KARS1: variants seen among roughly 807,000 people sequenced by gnomAD.
The protein encoded by KARS1 is lysyl-tRNA synthetase 1.
In KARS1, 50 loss-of-function variants were observed where a neutral mutation model predicts 63.9. The observed-to-expected ratio is 0.78, with a 90% CI of 0.62 to 0.99. KARS1 has a LOEUF of 0.99. KARS1 is among the 50% of genes least tolerant of loss of function. KARS1 has a pLI of 0.00. For synonymous variants in KARS1, 320 were observed against 264.6 expected, an observed-to-expected ratio of 1.21 and a Z score of -2.03; for missense variants, 816 against 754.5, an observed-to-expected ratio of 1.08 and a Z score of -0.95.
At chr16:75,645,703 C>T (rs1180812381) in intron 1 of KARS1, among the ~76,000 whole-genome samples, 1 of 151,892 alleles carries the variant, frequency 6.6e-6, no homozygotes, top group Non-Finnish European at 1.5e-5. Flanking sequence ...AAAATTTAAC[C>T]GGGTGTTGTG....
At chr16:75,637,854 T>C (rs1597171362) in intron 3 of KARS1, among the ~76,000 whole-genome samples, 1 of 141,042 alleles carries the variant, frequency 7.1e-6, no homozygotes, top group Admixed American at 7.2e-5. Flanking sequence ...CAGGCTCCCT[T>C]CTAGGACAAG....
rs1196796028 is a variant in KARS1, at chr16:75,631,703, C to G, written c.1068G>C (p.Lys356Asn). The G allele has an allele frequency of 1.9e-6, 3 of 1,614,224 alleles. No individual in the cohort carries two copies. The highest frequency in any genetic ancestry group is 2.5e-6 in the Non-Finnish European group (3 of 1,180,046). The change falls in exon 8 of 14, where the codon AAG (lysine) becomes AAC (asparagine). Residue 356 changes from lysine (K) to asparagine (N), a missense_variant. Transcript: ENST00000302445. Reference sequence around the variant, plus strand: ...GAGAGCAGGAGTCACCTGAAACCATCTTCTCCGTGATTTCCATGAGATCGT... The same window carrying G: ...GAGAGCAGGAGTCACCTGAAACCATGTTCTCCGTGATTTCCATGAGATCGT... ...DYHDLMEITE[K>N]MVSGMVKHIT...
chr16:75,628,558 T>A lies in KARS1; in HGVS notation c.1695+11A>T. 6.2e-7 allele frequency: 1 copy of A among 1,613,300 alleles called. No individual in the cohort carries two copies. The highest frequency in any genetic ancestry group is 8.5e-7 in the Non-Finnish European group (1 of 1,179,894). On this transcript the variant is annotated intron_variant, in intron 13 of 13. Coordinates refer to ENST00000302445, the MANE Select transcript of KARS1 (RefSeq NM_005548.3). ...CTCAGGAAGTGTGCTCTGTGGAGGG[T>A]TGCTACGTACCTTGATGTTGTTGGA...
At chr16:75,641,250 G>A (rs970911235) in intron 2 of KARS1, among the ~76,000 whole-genome samples, 4 of 152,110 alleles carry the variant, frequency 2.6e-5, no homozygotes, top group Non-Finnish European at 5.9e-5. Flanking sequence ...GACTGTAGTT[G>A]GCCAGCCCCT....
In KARS1 at chr16:75,629,622, C is replaced by T. The variant is rs559236017; in HGVS notation, c.1425-81G>A. 2.2e-4 allele frequency: 318 copies of T among 1,454,352 alleles called. 3 individuals are homozygous for T. The South Asian group carries it at 3.1e-3, about 14-fold the overall frequency. The allele number at this position is 1,454,352 out of a possible 1,614,324, so 90.1% of individuals were successfully genotyped here. Reference sequence around the variant, plus strand: ...TTTTGTTTTTTCTTTTTTTTTGAGACGGAGTCTCGCTCTGTCACGCAGGCT... The same window carrying T: ...TTTTGTTTTTTCTTTTTTTTTGAGATGGAGTCTCGCTCTGTCACGCAGGCT... On this transcript the variant is annotated intron_variant, in intron 11 of 13. Coordinates refer to ENST00000302445, the MANE Select transcript of KARS1 (RefSeq NM_005548.3).
At chr16:75,641,766 G>A in intron 1 of KARS1, 43 bp from the exon 2 acceptor site, 1 of 1,605,502 alleles carries the variant, frequency 6.2e-7, no homozygotes, top group Non-Finnish European at 8.5e-7. Flanking sequence ...GCTGCCTGAA[G>A]AGTCCTCTAT....
Position 75,631,495 on chromosome 16 carries a change from G to C in KARS1, c.1173C>G (p.Phe391Leu), listed in dbSNP as rs760021784. 4 of 1,614,080 alleles carry C rather than the reference G, an allele frequency of 2.5e-6. No homozygotes were observed. The highest frequency in any genetic ancestry group is 2.5e-6 in the Non-Finnish European group (3 of 1,180,032). ...QAYDVDFTPPFRRINMVEELE... is the reference protein window; with the variant it reads ...QAYDVDFTPPLRRINMVEELE... The stretch of plus-strand genomic sequence containing the variant: ...GCTCTTCTACCATGTTGATTCGCCG[G>C]AAGGGTGGGGTGAAGTCAACATCGT... Residue 391 changes from phenylalanine (F) to leucine (L), a missense_variant, in exon 9 of 14, where the codon TTC (phenylalanine) becomes TTG (leucine). Physicochemically the swap from Phe to Leu is conservative, Grantham distance 22. Transcript: ENST00000302445.
chr16:75,637,541 C>T (rs1051711228), intron 3 of KARS1, among the ~76,000 whole-genome samples: 7 of 151,900 alleles, frequency 4.6e-5, no homozygotes, highest in Non-Finnish European at 8.8e-5. Context: ...TTTGGGAGGC[C>T]GAGGCAGGCA....
Position 75,636,044 on chromosome 16 carries a change from T to C in KARS1, c.537A>G (p.Gly179=), listed in dbSNP as rs377328532. 6.2e-7 allele frequency: 1 copy of C among 1,608,806 alleles called. No individual in the cohort carries two copies. The highest frequency in any genetic ancestry group is 1.3e-5 in the African/African-American group (1 of 74,908). ...GATTCCCCTGAACTCCAATTATGTC[T>C]CCCCGACGCAGTTTGTTATTAATAT... ...FIHINNKLRR[G]DIIGVQGNPG... is the part of the protein sequence containing the mutation. Residue 179 remains glycine (G), a synonymous_variant, in exon 5 of 14, where the codon GGA becomes GGG. Transcript: ENST00000302445.
chr16:75,644,274 G>A, intron 1 of KARS1: 3 of 1,592,044 alleles, frequency 1.9e-6, no homozygotes, highest in Non-Finnish European at 2.6e-6. Context: ...GAAGGTAATG[G>A]GCACCAACCT....
At chr16:75,641,435 C>A (rs2082222249) in intron 2 of KARS1, 129 bp downstream of exon 2, 1 of 753,952 alleles carries the variant, frequency 1.3e-6, no homozygotes, top group African/African-American at 1.7e-5. Flanking sequence ...CAGTGGGAGA[C>A]CCTCCCTTAT....
Position 75,647,571 on chromosome 16 carries a change from C to T in KARS1, c.62+7G>A. ...CAAAGGCTTTAAAGACTCGCAGCGACACTCACTTCTTGCTCAGTTTCGGCT... is the reference window on the plus strand; with the variant it reads ...CAAAGGCTTTAAAGACTCGCAGCGATACTCACTTCTTGCTCAGTTTCGGCT... On this transcript the variant is annotated splice_region_variant and intron_variant, in intron 1 of 13. Transcript: ENST00000302445. 2 of 1,612,672 alleles carry T rather than the reference C, an allele frequency of 1.2e-6. No individual in the cohort carries two copies. The highest frequency in any genetic ancestry group is 1.7e-6 in the Non-Finnish European group (2 of 1,179,128).
At chr16:75,639,505 G>C (rs2082199496) in intron 3 of KARS1, among the ~76,000 whole-genome samples, 1 of 147,690 alleles carries the variant, frequency 6.8e-6, no homozygotes, top group Admixed American at 6.8e-5. Context: ...CTGGGGGGCA[G>C]AGGTTGCAGT....
At chr16:75,639,332 G>A (rs1225866685) in intron 3 of KARS1, among the ~76,000 whole-genome samples, 2 of 149,832 alleles carry the variant, frequency 1.3e-5, no homozygotes, top group African/African-American at 2.5e-5. Context: ...AGCACTTTGG[G>A]AAGCCGAGGC....
At chr16:75,630,609 C>T in intron 10 of KARS1, 101 bp from the exon 11 acceptor site, 1 of 609,758 alleles carries the variant, frequency 1.6e-6, no homozygotes, top group South Asian at 1.9e-5. Context: ...ATGGGTTTAT[C>T]CTATAGCTTT....
chr16:75,640,019 C>T (rs191033201), intron 3 of KARS1, 165 bp downstream of exon 3: 3 of 657,280 alleles, frequency 4.6e-6, no homozygotes, highest in East Asian at 5.4e-5. Flanking sequence ...TGTCTCAGGG[C>T]TGCTCTGCTT....
At chr16:75,642,283 T>A (rs930790939) in intron 1 of KARS1, among the ~76,000 whole-genome samples, 1 of 142,742 alleles carries the variant, frequency 7.0e-6, no homozygotes, top group Non-Finnish European at 1.5e-5. Context: ...CTTACTGCAA[T>A]CTCTGCCTCC....
At chr16:75,638,987 G>A (rs138957959) in intron 3 of KARS1, among the ~76,000 whole-genome samples, 25,323 of 151,734 alleles carry the variant, frequency 0.17, 2,249 homozygotes, top group Middle Eastern at 0.23. Context: ...GGCCAACATG[G>A]TGAAACTCCG....
Position 75,628,691 on chromosome 16 carries a change from C to G in KARS1, c.1573G>C (p.Glu525Gln), listed in dbSNP as rs770522582. 16 of 1,614,084 alleles carry G rather than the reference C, an allele frequency of 9.9e-6. No homozygotes were observed. Among genetic ancestry groups the G allele is most frequent in the Non-Finnish European group, 1.4e-5 (16 of 1,180,042 alleles). ...QAKAKAAGDD[E>Q]AMFIDENFCT... ...AAGTTTTCATCTATGAACATGGCCT[C>G]ATCATCACCTGCAGCCTTGGCCTAG... Residue 525 changes from glutamate (E) to glutamine (Q), a missense_variant, in exon 13 of 14, where the codon GAG (glutamate) becomes CAG (glutamine). Physicochemically the swap from Glu to Gln is conservative, Grantham distance 29. Transcript: ENST00000302445.
Sources: gnomAD v4.1 joint callset for allele counts (sites outside exome capture counted in the v4.1 genomes callset) on GRCh38, gnomAD v4.1.1 for gene constraint, MANE v1.5 for transcripts, NCBI Gene and HGNC (gene_info 2026-07-23, HGNC 2026-07-21) for gene names.